ATP9B: variants seen among roughly 807,000 people sequenced by gnomAD.
ATP9B encodes ATPase phospholipid transporting 9B.
In ATP9B, 110 loss-of-function variants were observed where a neutral mutation model predicts 146.1. The ratio of observed to expected loss-of-function variants is 0.75; its 90% CI spans 0.65 to 0.88. ATP9B has a LOEUF of 0.88. ATP9B is among the 40% of genes least tolerant of loss of function. ATP9B has a pLI of 0.00. For synonymous variants in ATP9B, 604 were observed against 569.7 expected (o/e 1.06, Z -0.86); for missense variants, 1,499 against 1,496.4 (o/e 1.00, Z -0.03).
chr18:79,118,926 TTG>T (rs1039587734), intron 4 of ATP9B, among the ~76,000 whole-genome samples: 2 of 151,884 alleles, frequency 1.3e-5, no homozygotes, highest in Non-Finnish European at 2.9e-5. Flanking sequence ...GAAAGATTAA[TTG>T]TGTGTGGTGG....
At chr18:79,198,053 A>G (rs2095432867) in intron 9 of ATP9B, among the ~76,000 whole-genome samples, 1 of 152,200 alleles carries the variant, frequency 6.6e-6, no homozygotes, top group Non-Finnish European at 1.5e-5. Flanking sequence ...AACAATCCCA[A>G]CTATAGTTGA....
intron 3 of ATP9B, among the ~76,000 whole-genome samples, chr18:79,112,296 T>C (rs2147001311): frequency 6.6e-6 from 1 of 152,320 alleles, no homozygotes; most frequent in East Asian, 1.9e-4. Flanking sequence ...TTAATTGTAG[T>C]GTGCTGTTTG....
intron 2 of ATP9B, among the ~76,000 whole-genome samples, chr18:79,097,646 G>A (rs548567415): frequency 3.0e-4 from 43 of 145,144 alleles, no homozygotes; most frequent in African/African-American, 9.9e-4. Flanking sequence ...TTGTTCTTGC[G>A]ATAGTTTACT....
intron 7 of ATP9B, among the ~76,000 whole-genome samples, chr18:79,159,045 A>G (rs1241528935): frequency 6.6e-6 from 1 of 152,072 alleles, no homozygotes; most frequent in Non-Finnish European, 1.5e-5. Flanking sequence ...TGGCCCTTTT[A>G]TCATTATAAA....
In ATP9B at chr18:79,346,104, C is replaced by T. The variant is rs552997973; in HGVS notation, c.2682+265C>T. ...CAGCGCACAGCACACACTCGGCACA[C>T]GGTCATCACACGTCAGCTTGTGCCC... is the stretch of plus-strand genomic sequence containing the variant. On this transcript the variant is annotated intron_variant, in intron 23 of 29. Coordinates refer to ENST00000426216, the MANE Select transcript of ATP9B (RefSeq NM_198531.5). Among the ~76,000 whole-genome samples the T allele has an allele frequency of 8.0e-5, 12 of 150,642 alleles. No individual in the cohort carries two copies. The East Asian group carries it at 1.8e-3, about 22-fold the overall frequency.
intron 11 of ATP9B, among the ~76,000 whole-genome samples, chr18:79,233,392 T>G (rs879740880): frequency 6.6e-6 from 1 of 152,150 alleles, no homozygotes. Flanking sequence ...TCCAAGACAC[T>G]AGACCACAAA....
chr18:79,248,940 C>T (rs539193364), intron 11 of ATP9B, among the ~76,000 whole-genome samples: 99 of 152,230 alleles, frequency 6.5e-4, no homozygotes, highest in African/African-American at 2.1e-3. Flanking sequence ...TTACAGCATT[C>T]GACGTCTGCT....
Position 79,179,111 on chromosome 18 carries a change from A to G in ATP9B, c.873+2204A>G, listed in dbSNP as rs1027984460. Among the ~76,000 whole-genome samples, 4 of 152,340 alleles carry G rather than the reference A, an allele frequency of 2.6e-5. No individual in the cohort carries two copies. The East Asian group carries it at 5.8e-4, about 22-fold the overall frequency. ...GAATTGGTTCATTTCACGTAAGTTG[A>G]CAACATTAATGGCATAAAGTTCATA... is the stretch of plus-strand genomic sequence containing the variant. On this transcript the variant is annotated intron_variant, in intron 8 of 29. Coordinates refer to ENST00000426216, the MANE Select transcript of ATP9B (RefSeq NM_198531.5).
In ATP9B at chr18:79,082,929, C is replaced by G. The variant is rs192391431; in HGVS notation, c.119+13400C>G. Among the ~76,000 whole-genome samples, 568 of 152,298 alleles carry G rather than the reference C, an allele frequency of 3.7e-3. 5 individuals carry two copies. Among genetic ancestry groups the G allele is most frequent in the Non-Finnish European group, 3.3e-3 (227 of 68,022 alleles). ...AGTCTGTCCCTTAGCAGAGCTCAAG[C>G]GCTGTGCTGGGAGATACACAGCTCT... On this transcript the variant is annotated intron_variant, in intron 1 of 29. Coordinates refer to ENST00000426216, the MANE Select transcript of ATP9B (RefSeq NM_198531.5).
At chr18:79,275,989 G>A (rs1382642547) in intron 12 of ATP9B, among the ~76,000 whole-genome samples, 1 of 152,184 alleles carries the variant, frequency 6.6e-6, no homozygotes, top group Admixed American at 6.5e-5. Flanking sequence ...TATTTTTCGA[G>A]TGTGTACTTA....
intron 1 of ATP9B, among the ~76,000 whole-genome samples, chr18:79,084,222 C>G (rs2073586178): frequency 6.6e-6 from 1 of 151,554 alleles, no homozygotes; most frequent in Non-Finnish European, 1.5e-5. Flanking sequence ...TGAACATGTT[C>G]ATCATGTCCA....
intron 3 of ATP9B, 114 bp from the exon 4 acceptor site, chr18:79,113,127 T>C: frequency 1.7e-6 from 1 of 593,674 alleles, no homozygotes; most frequent in East Asian, 2.9e-5. Context: ...CACAACATAT[T>C]CTCACTGTTT....
chr18:79,373,815 T>A, intron 27 of ATP9B, 83 bp from the exon 28 acceptor site: 2 of 1,423,554 alleles, frequency 1.4e-6, no homozygotes, highest in Non-Finnish European at 2.0e-6. Context: ...GGGTCTTGAG[T>A]GACGTTGCTG....
intron 26 of ATP9B, among the ~76,000 whole-genome samples, chr18:79,366,640 G>A (rs991675013): frequency 2.0e-5 from 3 of 152,212 alleles, no homozygotes; most frequent in African/African-American, 7.2e-5. Flanking sequence ...ACATGTGTGA[G>A]CATGACTTAG....
chr18:79,165,095 C>G (rs1019542908), intron 7 of ATP9B, among the ~76,000 whole-genome samples: 2 of 152,224 alleles, frequency 1.3e-5, no homozygotes, highest in Non-Finnish European at 2.9e-5. Context: ...ACACTCATGA[C>G]AGGCTTTCAC....
At chr18:79,170,428 GTTAC>G (rs148419272) in intron 7 of ATP9B, among the ~76,000 whole-genome samples, 3,134 of 152,276 alleles carry the variant, frequency 0.021, 98 homozygotes, top group African/African-American at 0.07. Flanking sequence ...GTTAAGTCCA[GTTAC>G]TTGCATTATT....
At chr18:79,364,512 G>A (rs1468629528) in intron 26 of ATP9B, among the ~76,000 whole-genome samples, 4 of 152,090 alleles carry the variant, frequency 2.6e-5, no homozygotes, top group African/African-American at 4.8e-5. Flanking sequence ...GGGACAATTC[G>A]CCGCCCATGA....
intron 5 of ATP9B, among the ~76,000 whole-genome samples, chr18:79,137,697 C>T (rs1189030633): frequency 6.6e-6 from 1 of 152,238 alleles, no homozygotes; most frequent in African/African-American, 2.4e-5. Context: ...TTCCTTCAGC[C>T]TCTGCATGCT....
intron 26 of ATP9B, 199 bp downstream of exon 26, chr18:79,359,661 TCTC>T: frequency 3.6e-6 from 2 of 562,016 alleles, no homozygotes; most frequent in Non-Finnish European, 6.4e-6. Context: ...GGGAAAAACA[TCTC>T]AGGGAAAAAA....
Sources: gnomAD v4.1 joint callset for allele counts (sites outside exome capture counted in the v4.1 genomes callset) on GRCh38, gnomAD v4.1.1 for gene constraint, MANE v1.5 for transcripts, NCBI Gene and HGNC (gene_info 2026-07-23, HGNC 2026-07-21) for gene names.